The following DCC variants were observed in gnomAD, a reference collection of about 807,000 sequenced individuals.
The protein encoded by DCC is DCC netrin 1 receptor.
Under a neutral mutation model 172.5 loss-of-function variants are expected in DCC, and 58 were observed. The observed-to-expected ratio is 0.34, with a 90% CI of 0.27 to 0.42. The LOEUF (loss-of-function observed/expected upper bound fraction) is 0.42. DCC is among the 10% of genes least tolerant of loss of function. The pLI, the probability that DCC is intolerant of heterozygous loss-of-function variation, is 1.00. For missense variants in DCC, 1,740 were observed against 1,791.0 expected, an observed-to-expected ratio of 0.97 and a Z score of 0.51; for synonymous variants, 709 against 644.5, an observed-to-expected ratio of 1.10 and a Z score of -1.52.
intron 22 of DCC, among the ~76,000 whole-genome samples, chr18:53,448,517 G>A (rs1262060056): frequency 6.6e-6 from 1 of 152,134 alleles, no homozygotes; most frequent in Non-Finnish European, 1.5e-5. Context: ...GGGATTATGG[G>A]AACTACAATT....
At chr18:53,187,760 C>T (rs1416048629) in intron 9 of DCC, among the ~76,000 whole-genome samples, 2 of 152,144 alleles carry the variant, frequency 1.3e-5, no homozygotes, top group African/African-American at 4.8e-5. Flanking sequence ...TTTAATTGCC[C>T]AATCTTTCCT....
At chr18:52,642,280 A>G (rs946096366) in intron 1 of DCC, among the ~76,000 whole-genome samples, 10 of 152,000 alleles carry the variant, frequency 6.6e-5, no homozygotes, top group African/African-American at 2.4e-4. Context: ...GTGAGGATGC[A>G]AAGGCATAAG....
chr18:53,022,090 C>A (rs934456845), intron 5 of DCC, among the ~76,000 whole-genome samples: 2 of 151,996 alleles, frequency 1.3e-5, no homozygotes, highest in Non-Finnish European at 2.9e-5. Flanking sequence ...ATTAATTGAT[C>A]TAAATATTTT....
intron 9 of DCC, among the ~76,000 whole-genome samples, chr18:53,196,705 T>G (rs547992965): frequency 6.6e-6 from 1 of 152,262 alleles, no homozygotes; most frequent in East Asian, 1.9e-4. Context: ...TGTTTATCCA[T>G]ATCTGCATCC....
intron 8 of DCC, among the ~76,000 whole-genome samples, chr18:53,176,329 G>T (rs1177339149): frequency 7.5e-6 from 1 of 133,984 alleles, no homozygotes; most frequent in Non-Finnish European, 1.6e-5. Context: ...TTGACAAATG[G>T]GATCTAATTA....
chr18:53,333,497 G>A (rs1316213935), intron 14 of DCC, among the ~76,000 whole-genome samples: 1 of 152,200 alleles, frequency 6.6e-6, no homozygotes, highest in Non-Finnish European at 1.5e-5. Flanking sequence ...AGTATGTGGT[G>A]GCGACTGTTT....
chr18:52,895,643 T>C (rs2039717615), intron 2 of DCC, among the ~76,000 whole-genome samples: 1 of 152,258 alleles, frequency 6.6e-6, no homozygotes, highest in Non-Finnish European at 1.5e-5. Flanking sequence ...GGATATACTA[T>C]AATTTGCTTA....
intron 7 of DCC, among the ~76,000 whole-genome samples, chr18:53,092,299 G>T (rs1017227193): frequency 1.3e-5 from 2 of 152,028 alleles, no homozygotes; most frequent in African/African-American, 4.8e-5. Context: ...AAGCAGATTT[G>T]GGAACCGAAG....
At chr18:52,460,220 AT>A (rs1263917087) in intron 1 of DCC, among the ~76,000 whole-genome samples, 1 of 151,554 alleles carries the variant, frequency 6.6e-6, no homozygotes. Context: ...ATTTCTTTTG[AT>A]TTTTTTTCTC....
intron 1 of DCC, among the ~76,000 whole-genome samples, chr18:52,578,157 T>C (rs1410222423): frequency 1.3e-5 from 2 of 152,228 alleles, no homozygotes; most frequent in Admixed American, 1.3e-4. Flanking sequence ...ATGGATATGC[T>C]ATTGCCATCC....
In DCC at chr18:52,477,324, T is replaced by C. The variant is rs147191525; in HGVS notation, c.91+136446T>C. On this transcript the variant is annotated intron_variant, in intron 1 of 28. Transcript: ENST00000442544. ...CTAGCCAAGACACAGGGTTGCCCTA[T>C]AGTCACATAAGGGATGTTGGAGGAG... 4.1e-3 allele frequency among the ~76,000 whole-genome samples: 621 copies of C among 152,286 alleles called. 1 individual carries two copies. Among genetic ancestry groups the C allele is most frequent in the Non-Finnish European group, 6.2e-3 (424 of 68,022 alleles).
intron 1 of DCC, among the ~76,000 whole-genome samples, chr18:52,585,294 C>T (rs1013298704): frequency 2.0e-5 from 3 of 152,190 alleles, no homozygotes; most frequent in African/African-American, 4.8e-5. Flanking sequence ...TGCCCAAAAG[C>T]TAAGCACTAC....
intron 13 of DCC, among the ~76,000 whole-genome samples, chr18:53,318,749 T>TG (rs59763505): frequency 0.34 from 37,130 of 108,108 alleles, 5,868 homozygotes; most frequent in East Asian, 0.58. Context: ...CCTTCTTCGT[T>TG]GGGTTTTTTT....
intron 1 of DCC, among the ~76,000 whole-genome samples, chr18:52,719,501 T>C (rs1053869998): frequency 3.3e-5 from 5 of 151,876 alleles, no homozygotes; most frequent in Admixed American, 1.3e-4. Context: ...CCCTGAGCTA[T>C]ACCAGGCACT....
At chr18:52,527,450 G>T (rs926206583) in intron 1 of DCC, among the ~76,000 whole-genome samples, 1 of 152,176 alleles carries the variant, frequency 6.6e-6, no homozygotes, top group African/African-American at 2.4e-5. Flanking sequence ...TGGATGACAA[G>T]TTTGAGTAAT....
chr18:53,225,060 A>C (rs1417722951), intron 12 of DCC, among the ~76,000 whole-genome samples: 2 of 152,128 alleles, frequency 1.3e-5, no homozygotes, highest in Non-Finnish European at 2.9e-5. Flanking sequence ...AGGAAGGGTG[A>C]TTTCACAGAT....
intron 1 of DCC, among the ~76,000 whole-genome samples, chr18:52,599,687 T>C (rs911309216): frequency 6.6e-6 from 1 of 152,148 alleles, no homozygotes; most frequent in African/African-American, 2.4e-5. Flanking sequence ...CTAATTTTTG[T>C]ATTTTTAGTG....
At chr18:52,425,240 A>G (rs1192234000) in intron 1 of DCC, among the ~76,000 whole-genome samples, 1 of 152,118 alleles carries the variant, frequency 6.6e-6, no homozygotes, top group African/African-American at 2.4e-5. Flanking sequence ...ATTTTCTCCT[A>G]AGGAGGTATT....
intron 1 of DCC, among the ~76,000 whole-genome samples, chr18:52,452,757 GAATT>G (rs1260398829): frequency 6.6e-6 from 1 of 152,194 alleles, no homozygotes; most frequent in Non-Finnish European, 1.5e-5. Flanking sequence ...GGCATAGAAT[GAATT>G]AAATAAATGT....
Sources: allele counts gnomAD v4.1 joint callset (sites outside exome capture counted in the v4.1 genomes callset), GRCh38; gene constraint gnomAD v4.1.1; transcripts MANE v1.5; gene names NCBI Gene and HGNC (gene_info 2026-07-23, HGNC 2026-07-21).